Variants in USH1G observed in about 807,000 individuals in gnomAD.
USH1G encodes the protein pre-mRNA splicing regulator USH1G.
USH1G carries 27 observed loss-of-function variants against 31.9 expected under a neutral mutation model. The ratio of observed to expected loss-of-function variants is 0.85; its 90% CI spans 0.62 to 1.17. USH1G has a LOEUF of 1.17. USH1G is among the 50% of genes most tolerant of loss of function. USH1G has a pLI of 0.00. For synonymous variants in USH1G, 266 were observed against 283.2 expected, an observed-to-expected ratio of 0.94 and a Z score of 0.61; for missense variants, 674 against 638.9, an observed-to-expected ratio of 1.05 and a Z score of -0.59.
At position 74,922,998 on chromosome 17, in the gene USH1G, T is replaced by C; in HGVS notation, c.76A>G (p.Asn26Asp). Reference sequence around the variant, plus strand: ...GTCATGCCATCCTCGTCGGGGGCATTCAGCTCCTTTCGGGTGGCCTCCTTG... The same window carrying C: ...GTCATGCCATCCTCGTCGGGGGCATCCAGCTCCTTTCGGGTGGCCTCCTTG... ...LLKEATRKELNAPDEDGMTPT... is the reference protein window; with the variant it reads ...LLKEATRKELDAPDEDGMTPT... The change falls in exon 1 of 3, where the codon AAT becomes GAT. Residue 26 changes from asparagine to aspartate, a missense_variant. Physicochemically the swap from Asn to Asp is conservative, Grantham distance 23. Transcript: ENST00000614341. 6.4e-7 allele frequency: 1 copy of C among 1,570,204 alleles called. No individual in the cohort carries two copies. Among genetic ancestry groups the C allele is most frequent in the Non-Finnish European group, 8.6e-7 (1 of 1,156,288 alleles).
rs368597653 is a variant in USH1G at position 74,918,118 on chromosome 17, C to G, written c.1383-42G>C. On this transcript the variant is annotated intron_variant, in intron 2 of 2. Transcript: ENST00000614341. This position sits in a 1 kb window ranked among gnomAD's most constrained non-coding sequence, Gnocchi z 4.1. ...AGAAAGAAACAGATCTCACATGAGG[C>G]CCTCCAGAGGCATCATTTTCACCCA... The G allele has an allele frequency of 5.0e-6, 8 of 1,612,648 alleles. No homozygotes were observed. The highest frequency in any genetic ancestry group is 2.2e-5 in the East Asian group (1 of 44,866).
At position 74,923,075 on chromosome 17, in the gene USH1G, G is replaced by A. The variant is rs758940726; in HGVS notation, c.-2C>T. The A allele has an allele frequency of 8.7e-5, 137 of 1,580,474 alleles. 1 individual carries two copies. The highest frequency in any genetic ancestry group is 2.1e-4 in the Middle Eastern group (1 of 4,752). ...TGCCCGGTGGTACTGGTCGTTCATG[G>A]CGCCCGAAGTGGACGGGGCGGGCGG... is the stretch of plus-strand genomic sequence containing the variant. On this transcript the variant is annotated 5_prime_UTR_variant, in exon 1 of 3. Coordinates refer to ENST00000614341, the MANE Select transcript of USH1G (RefSeq NM_173477.5). The surrounding 1 kb of genome is among the most constrained non-coding windows in gnomAD (Gnocchi z 5.3).
chr17:74,916,112 A>C lies in USH1G; in HGVS notation c.*1961T>G, dbSNP rs1009783144. 1 of 151,076 alleles carries C rather than the reference A, an allele frequency of 6.6e-6. No homozygotes were observed. Among genetic ancestry groups the C allele is most frequent in the African/African-American group, 2.4e-5 (1 of 41,124 alleles). 9.4% of individuals were successfully genotyped at this position (151,076 alleles called of 1,614,324 possible). ...ATACTGATAGAGAACATTCTCTACA[A>C]AAGTGGCAATGAGCCTGCAGGAGGG... On this transcript the variant is annotated 3_prime_UTR_variant, in exon 3 of 3. Coordinates refer to ENST00000614341, the MANE Select transcript of USH1G (RefSeq NM_173477.5).
In USH1G at chr17:74,920,297, C is replaced by G. The variant is rs374579438; in HGVS notation, c.539G>C (p.Ser180Thr). The G allele has an allele frequency of 7.5e-6, 12 of 1,605,894 alleles. No homozygotes were observed. The highest frequency in any genetic ancestry group is 1.0e-5 in the Non-Finnish European group (12 of 1,178,744). The change falls in exon 2 of 3, where the codon AGC becomes ACC. Residue 180 changes from serine to threonine, a missense_variant. By Grantham distance (58) the Ser-to-Thr change is moderately conservative (BLOSUM62 1). Transcript: ENST00000614341. The surrounding 1 kb of genome is among the most constrained non-coding windows in gnomAD (Gnocchi z 5.2). ...GCGGCTCAGGGTGCTGGACGTGAGG[C>G]TGGAGAAGCTGAGGGTGTCGGAACG... is the stretch of plus-strand genomic sequence containing the variant. ...AERSDTLSFS[S>T]LTSSTLSRRL...
At position 74,919,317 on chromosome 17, in the gene USH1G, T is replaced by C. The variant is rs1038811019; in HGVS notation, c.1382+137A>G. The C allele has an allele frequency of 6.7e-6, 9 of 1,353,334 alleles. No individual in the cohort carries two copies. The Admixed American group carries it at 2.5e-4, about 38-fold the overall frequency. 83.8% of individuals were successfully genotyped at this position (1,353,334 alleles called of 1,614,324 possible). ...GTAAATAAAATAAGGGTGCCTTTTA[T>C]CATCGATGGCCTCATTTCGATTTTA... On this transcript the variant is annotated intron_variant, in intron 2 of 2. Transcript: ENST00000614341. This position sits in a 1 kb window ranked among gnomAD's most constrained non-coding sequence, Gnocchi z 4.5.
In USH1G at chr17:74,920,171, C is replaced by A; in HGVS notation, c.665G>T (p.Arg222Leu). The change falls in exon 2 of 3, where the codon CGG becomes CTG. Residue 222 changes from arginine (R) to leucine (L), a missense_variant. By Grantham distance (102) the Arg-to-Leu change is moderately radical (BLOSUM62 -2). Transcript: ENST00000614341. The surrounding 1 kb of genome is among the most constrained non-coding windows in gnomAD (Gnocchi z 5.2). The part of the protein sequence containing the change: ...GKTKMQKKLE[R>L]RKQGGEGTFK... ...GGTGCCTTCGCCGCCCTGCTTGCGC[C>A]GCTCCAGCTTCTTCTGCATCTTGGT... 1 of 1,602,124 alleles carries A rather than the reference C, an allele frequency of 6.2e-7. No individual in the cohort carries two copies. Among genetic ancestry groups the A allele is most frequent in the Non-Finnish European group, 8.5e-7 (1 of 1,179,824 alleles).
In USH1G at chr17:74,919,757, G is replaced by A. The variant is rs369623755; in HGVS notation, c.1079C>T (p.Ala360Val). ...PSLDDDSLGS[A>V]NSLQDRSCGE... ...ACAGCTGCGGTCCTGCAGGCTGTTG[G>A]CACTGCCCAGGCTGTCATCGTCCAG... The change falls in exon 2 of 3, where the codon GCC (alanine) becomes GTC (valine). Residue 360 changes from alanine (A) to valine (V), a missense_variant. Coordinates refer to ENST00000614341, the MANE Select transcript of USH1G (RefSeq NM_173477.5). The surrounding 1 kb of genome is among the most constrained non-coding windows in gnomAD (Gnocchi z 4.5). 25 of 1,612,808 alleles carry A rather than the reference G, an allele frequency of 1.6e-5. No homozygotes were observed. Among genetic ancestry groups the A allele is most frequent in the Non-Finnish European group, 1.9e-5 (23 of 1,180,014 alleles).
rs1017175846 is a variant in USH1G, at chr17:74,917,832, G to A, written c.*241C>T. The A allele has an allele frequency of 3.4e-6, 2 of 582,946 alleles. No individual in the cohort carries two copies. The highest frequency in any genetic ancestry group is 3.7e-5 in the African/African-American group (2 of 53,346). The allele number at this position is 582,946 out of a possible 1,614,324, so 36.1% of individuals were successfully genotyped here. ...TGTCCTTTACGGCTGCTCAGAATGG[G>A]TGGCTCAGGGCCTTCAAGACCCCTC... On this transcript the variant is annotated 3_prime_UTR_variant, in exon 3 of 3. Coordinates refer to ENST00000614341, the MANE Select transcript of USH1G (RefSeq NM_173477.5).
In USH1G at chr17:74,919,417, C is replaced by T. The variant is rs765888502; in HGVS notation, c.1382+37G>A. The T allele has an allele frequency of 2.5e-6, 4 of 1,578,122 alleles. No homozygotes were observed. The African/African-American group carries it at 5.4e-5, about 21-fold the overall frequency. ...CCCCTCCCCAGGGGCCTTCCAACTC[C>T]TGCTCCTCCATCCCCCCCGCCAGGC... is the stretch of plus-strand genomic sequence containing the variant. On this transcript the variant is annotated intron_variant, in intron 2 of 2. Coordinates refer to ENST00000614341, the MANE Select transcript of USH1G (RefSeq NM_173477.5). The surrounding 1 kb of genome is among the most constrained non-coding windows in gnomAD (Gnocchi z 4.5).
chr17:74,921,857 C>A lies in USH1G; in HGVS notation c.164+1053G>T, dbSNP rs2038946979. On this transcript the variant is annotated intron_variant, in intron 1 of 2. Transcript: ENST00000614341. This position sits in a 1 kb window ranked among gnomAD's most constrained non-coding sequence, Gnocchi z 4.6. ...AGCCTTGGCCTCACGGGACATGGTT[C>A]AGCTGCCCAGGCTTCAAGGCTGCTC... is the stretch of plus-strand genomic sequence containing the variant. 6.6e-6 allele frequency among the ~76,000 whole-genome samples: 1 copy of A among 152,160 alleles called. No individual in the cohort carries two copies. The highest frequency in any genetic ancestry group is 1.5e-5 in the Non-Finnish European group (1 of 68,016).
At chr17:74,922,742 G>C (rs896643324) in intron 1 of USH1G, among the ~76,000 whole-genome samples, 168 bp downstream of exon 1, 1 of 152,100 alleles carries the variant, frequency 6.6e-6, no homozygotes, top group Non-Finnish European at 1.5e-5. Context: ...GTGTTAACAA[G>C]TGTCAGATGC....
At position 74,917,850 on chromosome 17, in the gene USH1G, G is replaced by A. The variant is rs190522968; in HGVS notation, c.*223C>T. 75 of 620,072 alleles carry A rather than the reference G, an allele frequency of 1.2e-4. No homozygotes were observed. Among genetic ancestry groups the A allele is most frequent in the African/African-American group, 1.1e-3 (60 of 54,404 alleles). 38.4% of individuals were successfully genotyped at this position (620,072 alleles called of 1,614,324 possible). A position where few individuals can be genotyped will look rare whatever the true frequency, so the allele number is the denominator to read the frequency against. ...AGAATGGGTGGCTCAGGGCCTTCAA[G>A]ACCCCTCAGAACTGGAGTTCCGGAA... On this transcript the variant is annotated 3_prime_UTR_variant, in exon 3 of 3. Coordinates refer to ENST00000614341, the MANE Select transcript of USH1G (RefSeq NM_173477.5).
chr17:74,923,186 C>T lies in USH1G; in HGVS notation c.-113G>A, dbSNP rs1360718845. 4 of 972,052 alleles carry T rather than the reference C, an allele frequency of 4.1e-6. No homozygotes were observed. The highest frequency in any genetic ancestry group is 4.2e-5 in the Admixed American group (1 of 23,768). The allele number at this position is 972,052 out of a possible 1,614,324, so 60.2% of individuals were successfully genotyped here. On this transcript the variant is annotated 5_prime_UTR_variant, in exon 1 of 3. Transcript: ENST00000614341. The surrounding 1 kb of genome is among the most constrained non-coding windows in gnomAD (Gnocchi z 5.3). ...TTGGAGGACGGGGCCGGGCAGGGGC[C>T]GGGGCCGCCAGCCCCCGCTGCCGCA...
chr17:74,920,587 G>T lies in USH1G; in HGVS notation c.249C>A (p.Phe83Leu), dbSNP rs775135769. 3.7e-6 allele frequency: 6 copies of T among 1,613,758 alleles called. No individual in the cohort carries two copies. Among genetic ancestry groups the T allele is most frequent in the Non-Finnish European group, 5.1e-6 (6 of 1,180,048 alleles). The part of the protein sequence containing the change: ...ASNGHLHCLS[F>L]LVSFGANIWC... ...AGATGTTGGCTCCGAAGGACACCAG[G>T]AAGGACAGGCAGTGCAAGTGGCCAT... Residue 83 changes from phenylalanine to leucine, a missense_variant, in exon 2 of 3, where the codon TTC (phenylalanine) becomes TTA (leucine). Transcript: ENST00000614341. The surrounding 1 kb of genome is among the most constrained non-coding windows in gnomAD (Gnocchi z 5.2).
At chr17:74,922,885 A>G (rs1476852257) in intron 1 of USH1G, 25 bp downstream of exon 1, 2 of 1,538,084 alleles carry the variant, frequency 1.3e-6, no homozygotes, top group South Asian at 1.2e-5. Context: ...AGGGGCCTCA[A>G]GGGCACTGGG....
In USH1G at chr17:74,920,318, G is replaced by T; in HGVS notation, c.518C>A (p.Ser173Tyr). Residue 173 changes from serine (S) to tyrosine (Y), a missense_variant, in exon 2 of 3, where the codon TCC becomes TAC. Physicochemically the swap from Ser to Tyr is moderately radical, Grantham distance 144. Transcript: ENST00000614341. The surrounding 1 kb of genome is among the most constrained non-coding windows in gnomAD (Gnocchi z 5.2). ...GAGGCTGGAGAAGCTGAGGGTGTCG[G>T]AACGCTCGGCCAGCTCGCGCCGGTA... ...RRYRRELAER[S>Y]DTLSFSSLTS... The T allele has an allele frequency of 6.2e-7, 1 of 1,608,144 alleles. No individual in the cohort carries two copies.
At position 74,916,733 on chromosome 17, in the gene USH1G, G is replaced by A. The variant is rs1218450209; in HGVS notation, c.*1340C>T. 1 of 152,246 alleles carries A rather than the reference G, an allele frequency of 6.6e-6. No homozygotes were observed. The highest frequency in any genetic ancestry group is 2.4e-5 in the African/African-American group (1 of 41,428). The allele number at this position is 152,246 out of a possible 1,614,324, so 9.4% of individuals were successfully genotyped here. On this transcript the variant is annotated 3_prime_UTR_variant, in exon 3 of 3. Coordinates refer to ENST00000614341, the MANE Select transcript of USH1G (RefSeq NM_173477.5). Reference sequence around the variant, plus strand: ...ACATGCTGTGACCACCCTCTGAGCTGGCCTTTCCCCTGGTCTCACCACCAT... The same window carrying A: ...ACATGCTGTGACCACCCTCTGAGCTAGCCTTTCCCCTGGTCTCACCACCAT...
chr17:74,919,483 C>T lies in USH1G; in HGVS notation c.1353G>A (p.Glu451=). The part of the protein sequence containing the change: ...GAVRRRRQAM[E]RPPALEDTEL ...CTGTGTCCTCCAGGGCCGGCGGGCG[C>T]TCCATCGCCTGCCGCCGCCTCCTCA... The change falls in exon 2 of 3, where the codon GAG becomes GAA. Residue 451 remains glutamate (E), a synonymous_variant. Transcript: ENST00000614341. The surrounding 1 kb of genome is among the most constrained non-coding windows in gnomAD (Gnocchi z 4.5). The T allele has an allele frequency of 6.2e-7, 1 of 1,608,890 alleles. No homozygotes were observed.
Position 74,923,068 on chromosome 17 carries a change from G to C in USH1G, c.6C>G (p.Asn2Lys). The change falls in exon 1 of 3, where the codon AAC becomes AAG. Residue 2 changes from asparagine (N) to lysine (K), a missense_variant. Transcript: ENST00000614341. This position sits in a 1 kb window ranked among gnomAD's most constrained non-coding sequence, Gnocchi z 5.3. Reference sequence around the variant, plus strand: ...CCCGGGCTGCCCGGTGGTACTGGTCGTTCATGGCGCCCGAAGTGGACGGGG... The same window carrying C: ...CCCGGGCTGCCCGGTGGTACTGGTCCTTCATGGCGCCCGAAGTGGACGGGG... The part of the protein sequence containing the change: M[N>K]DQYHRAARDG... 6.3e-7 allele frequency: 1 copy of C among 1,582,334 alleles called. No homozygotes were observed. Among genetic ancestry groups the C allele is most frequent in the Non-Finnish European group, 8.6e-7 (1 of 1,162,686 alleles).
Sources: allele counts gnomAD v4.1 joint callset (sites outside exome capture counted in the v4.1 genomes callset), GRCh38; gene constraint gnomAD v4.1.1; non-coding constraint Gnocchi (gnomAD v3.1); transcripts MANE v1.5; gene names NCBI Gene and HGNC (gene_info 2026-07-23, HGNC 2026-07-21).